TASP1: variants seen among roughly 807,000 people sequenced by gnomAD.
TASP1 encodes the protein threonine aspartase 1.
TASP1 carries 16 observed loss-of-function variants against 56.6 expected under a neutral mutation model. That is an observed-to-expected ratio of 0.28 (90% CI 0.19 to 0.43). The LOEUF is 0.43. Among genes scored for constraint, TASP1 ranks in the 20% least tolerant of loss-of-function variants. TASP1 has a pLI of 1.00. For synonymous variants in TASP1, 179 were observed against 184.2 expected (o/e 0.97, Z 0.23); for missense variants, 393 against 511.6 (o/e 0.77, Z 2.24).
the TASP1 span, among the ~76,000 whole-genome samples, chr20:13,222,888 C>T: frequency 6.6e-6 from 1 of 152,168 alleles, no homozygotes; most frequent in South Asian, 2.1e-4. Context: ...TCAAACCAGG[C>T]GCGGTGGCTC....
At chr20:13,581,102 A>T (rs145185757) in intron 5 of TASP1, 121 bp from the exon 6 acceptor site, 2 of 783,510 alleles carry the variant, frequency 2.6e-6, no homozygotes, top group African/African-American at 3.5e-5. Context: ...CTTTTTCGAT[A>T]TATCAAATAA....
At chr20:13,313,925 T>C in the TASP1 span, among the ~76,000 whole-genome samples, 4 of 152,180 alleles carry the variant, frequency 2.6e-5, no homozygotes, top group South Asian at 8.3e-4. Flanking sequence ...AGCAGAGAGA[T>C]AAAAAATTCT....
At chr20:13,232,290 T>C in the TASP1 span, among the ~76,000 whole-genome samples, 6 of 152,232 alleles carry the variant, frequency 3.9e-5, no homozygotes, top group Non-Finnish European at 8.8e-5. Flanking sequence ...TCTGAAAAGT[T>C]TCCTTGTGCT....
At chr20:13,477,430 T>G (rs868763036) in intron 11 of TASP1, among the ~76,000 whole-genome samples, 1 of 152,118 alleles carries the variant, frequency 6.6e-6, no homozygotes, top group Non-Finnish European at 1.5e-5. Context: ...AGATAACATT[T>G]TATCAATCAT....
the TASP1 span, among the ~76,000 whole-genome samples, chr20:13,161,248 A>G: frequency 6.6e-6 from 1 of 152,232 alleles, no homozygotes; most frequent in Non-Finnish European, 1.5e-5. Flanking sequence ...CTTAAATGAG[A>G]TAAGGTATAC....
At chr20:13,540,354 T>C (rs2045576169) in intron 8 of TASP1, among the ~76,000 whole-genome samples, 1 of 152,208 alleles carries the variant, frequency 6.6e-6, no homozygotes. Context: ...CTACATTAAA[T>C]ATAAACCTAC....
chr20:13,295,544 C>G, the TASP1 span, among the ~76,000 whole-genome samples: 1 of 152,192 alleles, frequency 6.6e-6, no homozygotes, highest in Non-Finnish European at 1.5e-5. Flanking sequence ...CCCATCGATG[C>G]TATTGCAGTC....
At chr20:13,243,537 G>A in the TASP1 span, among the ~76,000 whole-genome samples, 22 of 152,102 alleles carry the variant, frequency 1.4e-4, no homozygotes, top group Non-Finnish European at 2.4e-4. Context: ...CCTCTTAGCT[G>A]TTTGTCTTAT....
chr20:13,404,292 G>A (rs2041840007), intron 13 of TASP1, among the ~76,000 whole-genome samples: 1 of 152,226 alleles, frequency 6.6e-6, no homozygotes, highest in African/African-American at 2.4e-5. Flanking sequence ...CTTGGCCCAA[G>A]AAGATCTTAT....
chr20:13,529,851 C>G (rs980495114), intron 9 of TASP1, among the ~76,000 whole-genome samples: 1 of 152,174 alleles, frequency 6.6e-6, no homozygotes, highest in Non-Finnish European at 1.5e-5. Flanking sequence ...CTCCAATATT[C>G]TACCCAGAGC....
intron 13 of TASP1, among the ~76,000 whole-genome samples, chr20:13,412,202 C>T (rs1249487080): frequency 6.6e-6 from 1 of 151,982 alleles, no homozygotes; most frequent in African/African-American, 2.4e-5. Flanking sequence ...AATGGAGTGT[C>T]TCAGGATTTT....
At chr20:13,382,360 G>A in the TASP1 span, among the ~76,000 whole-genome samples, 2 of 152,206 alleles carry the variant, frequency 1.3e-5, no homozygotes, top group Non-Finnish European at 2.9e-5. Context: ...CTAAAGGTTT[G>A]TTTTGGCCAG....
chr20:13,514,240 G>C (rs1470664432), intron 10 of TASP1, among the ~76,000 whole-genome samples: 1 of 152,054 alleles, frequency 6.6e-6, no homozygotes, highest in African/African-American at 2.4e-5. Flanking sequence ...TTAGTAAACA[G>C]TGATCATTAT....
the TASP1 span, among the ~76,000 whole-genome samples, chr20:13,198,842 CTTT>C: frequency 4.5e-3 from 618 of 137,410 alleles, 2 homozygotes; most frequent in Middle Eastern, 0.011. Flanking sequence ...TTCTTTCTTT[CTTT>C]CTTTCTTTCT....
chr20:13,290,677 A>G, the TASP1 span, among the ~76,000 whole-genome samples: 51 of 152,306 alleles, frequency 3.3e-4, no homozygotes, highest in Middle Eastern at 3.4e-3. Context: ...AAAGAAAGAA[A>G]GAAAATGAAG....
At chr20:13,429,870 T>G (rs2042745906) in intron 12 of TASP1, among the ~76,000 whole-genome samples, 1 of 152,086 alleles carries the variant, frequency 6.6e-6, no homozygotes, top group Non-Finnish European at 1.5e-5. Flanking sequence ...GGTTCTCATT[T>G]TTGCCCTTTC....
At position 13,630,026 on chromosome 20, in the gene TASP1, G is replaced by A; in HGVS notation, c.53C>T (p.Ser18Phe). ...SSGEGLPSRS[S>F]QVSAGKITAK... ...TGTTATTTTACCAGCCGAAACCTGA[G>A]ATGATCTGGAAGGCAGCCCTTCTCC... The change falls in exon 2 of 14, where the codon TCT becomes TTT. Residue 18 changes from serine (S) to phenylalanine (F), a missense_variant. Physicochemically the swap from Ser to Phe is radical, Grantham distance 155. Around this residue, in one of 3 missense-constraint regions of TASP1, gnomAD observed 52 missense variants for 51.1 expected, o/e 1.02. Transcript: ENST00000337743. 6.2e-7 allele frequency: 1 copy of A among 1,613,948 alleles called. No homozygotes were observed. The highest frequency in any genetic ancestry group is 1.7e-5 in the Admixed American group (1 of 59,974).
At chr20:13,352,213 G>T in the TASP1 span, among the ~76,000 whole-genome samples, 1 of 152,168 alleles carries the variant, frequency 6.6e-6, no homozygotes, top group Non-Finnish European at 1.5e-5. Flanking sequence ...ACTTTGGGAG[G>T]CCAAGGTGGG....
At chr20:13,456,194 T>C (rs956272684) in intron 11 of TASP1, among the ~76,000 whole-genome samples, 2 of 152,088 alleles carry the variant, frequency 1.3e-5, no homozygotes, top group Non-Finnish European at 2.9e-5. Flanking sequence ...CAACAGTTTT[T>C]TGGGGATGCT....
Sources: gnomAD v4.1 joint callset for allele counts (sites outside exome capture counted in the v4.1 genomes callset) on GRCh38, gnomAD v4.1.1 for gene constraint, gnomAD v4.1.1 regional missense constraint, MANE v1.5 for transcripts, NCBI Gene and HGNC (gene_info 2026-07-23, HGNC 2026-07-21) for gene names.